HEXA: variants seen among roughly 807,000 people sequenced by gnomAD.
The protein encoded by HEXA is beta-hexosaminidase subunit alpha.
A neutral mutation model predicts 73.3 loss-of-function variants in HEXA; 54 were observed. That is an observed-to-expected ratio of 0.74 (90% CI 0.59 to 0.92). The LOEUF (loss-of-function observed/expected upper bound fraction) is 0.92, where lower values mean the gene tolerates loss of function less well. HEXA is among the 40% of genes least tolerant of loss of function. The pLI, the probability that HEXA is intolerant of heterozygous loss-of-function variation, is 0.00. For missense variants in HEXA, 649 were observed against 653.0 expected (o/e 0.99, Z 0.07); for synonymous variants, 230 against 246.9 (o/e 0.93, Z 0.64).
At chr15:72,349,592 A>C (rs2088668200) in intron 7 of HEXA, among the ~76,000 whole-genome samples, 1 of 152,242 alleles carries the variant, frequency 6.6e-6, no homozygotes, top group African/African-American at 2.4e-5. Flanking sequence ...AGGCAGAGAG[A>C]GAGCCTAATC....
chr15:72,361,662 C>T (rs1004378660), intron 1 of HEXA, among the ~76,000 whole-genome samples: 1 of 152,224 alleles, frequency 6.6e-6, no homozygotes, highest in African/African-American at 2.4e-5. Flanking sequence ...TCTTCTACAC[C>T]TTCCATCTAA....
intron 1 of HEXA, among the ~76,000 whole-genome samples, chr15:72,373,850 T>C (rs1244847313): frequency 6.6e-6 from 1 of 151,812 alleles, no homozygotes; most frequent in Non-Finnish European, 1.5e-5. Flanking sequence ...AATACAAAAA[T>C]TAGCTGGGCG....
Position 72,375,878 on chromosome 15 carries a change from G to A in HEXA, c.95C>T (p.Thr32Ile), listed in dbSNP as rs1193338665. The A allele has an allele frequency of 3.1e-6, 5 of 1,614,140 alleles. No individual in the cohort carries two copies. The East Asian group carries it at 6.7e-5, about 22-fold the overall frequency. The change falls in exon 1 of 14, where the codon ACC becomes ATC. Residue 32 changes from threonine to isoleucine, a missense_variant. By Grantham distance (89) the Thr-to-Ile change is moderately conservative. Coordinates refer to ENST00000268097, the MANE Select transcript of HEXA (RefSeq NM_000520.6). Reference protein sequence around the residue: ...ALWPWPQNFQTSDQRYVLYPN... With the variant: ...ALWPWPQNFQISDQRYVLYPN... ...GTAAAGGACGTAGCGCTGGTCGGAG[G>A]TTTGGAAGTTCTGAGGCCAGGGCCA...
rs2140319698 is a variant in HEXA at position 72,345,558 on chromosome 15, A to G, written c.1422-8T>C. On this transcript the variant is annotated splice_polypyrimidine_tract_variant and splice_region_variant and intron_variant, in intron 12 of 13. Transcript: ENST00000268097. Reference sequence around the variant, plus strand: ...ACAGCCCCTGCTCTGGGCCTGGAGGAAAAGGGGCATGTGCCAGATTGGGCC... The same window carrying G: ...ACAGCCCCTGCTCTGGGCCTGGAGGGAAAGGGGCATGTGCCAGATTGGGCC... 1 of 1,614,058 alleles carries G rather than the reference A, an allele frequency of 6.2e-7. No homozygotes were observed. Among genetic ancestry groups the G allele is most frequent in the Non-Finnish European group, 8.5e-7 (1 of 1,179,986 alleles).
At chr15:72,373,604 T>C (rs896045581) in intron 1 of HEXA, among the ~76,000 whole-genome samples, 3 of 152,246 alleles carry the variant, frequency 2.0e-5, no homozygotes, top group Non-Finnish European at 4.4e-5. Context: ...TCTCTTTTGT[T>C]AGGGAATTTA....
chr15:72,375,709 G>A lies in HEXA; in HGVS notation c.253+11C>T. ...AGGGCCCAGGAACAGGGCGGGACAAGTCCGACTCACCTGTGAGGTAAGGAC... is the reference window on the plus strand; with the variant it reads ...AGGGCCCAGGAACAGGGCGGGACAAATCCGACTCACCTGTGAGGTAAGGAC... On this transcript the variant is annotated intron_variant, in intron 1 of 13. Transcript: ENST00000268097. The A allele has an allele frequency of 6.2e-7, 1 of 1,614,052 alleles. No individual in the cohort carries two copies.
At chr15:72,348,170 A>G in intron 8 of HEXA, 36 bp from the exon 9 acceptor site, 2 of 1,434,898 alleles carry the variant, frequency 1.4e-6, no homozygotes, top group Non-Finnish European at 9.8e-7. Context: ...TAATCTTTCA[A>G]CATCCTGAAA....
chr15:72,343,009 CAGG>C lies in HEXA; in HGVS notation c.*1065_*1067del, dbSNP rs1236446095. The C allele has an allele frequency of 1.3e-5, 2 of 152,242 alleles. No individual in the cohort carries two copies. The highest frequency in any genetic ancestry group is 2.4e-5 in the African/African-American group (1 of 41,460). 9.4% of individuals were successfully genotyped at this position (152,242 alleles called of 1,614,324 possible). On this transcript the variant is annotated 3_prime_UTR_variant, in exon 14 of 14. Coordinates refer to ENST00000268097, the MANE Select transcript of HEXA (RefSeq NM_000520.6). The stretch of plus-strand genomic sequence containing the variant: ...GGCCAAGGCGGGCGGATCACGAGGT[CAGG>C]AGATCGAGACCATCCTGGCTAACAC...
chr15:72,367,432 T>C (rs2088931930), intron 1 of HEXA, among the ~76,000 whole-genome samples: 1 of 152,150 alleles, frequency 6.6e-6, no homozygotes, highest in Non-Finnish European at 1.5e-5. Context: ...CTTCAGTCTT[T>C]CTAGTTTTCT....
intron 1 of HEXA, among the ~76,000 whole-genome samples, chr15:72,364,127 G>A (rs957362701): frequency 2.6e-5 from 4 of 151,952 alleles, no homozygotes; most frequent in South Asian, 4.2e-4. Context: ...AAAATTAGCT[G>A]GGCGTGGTAG....
intron 1 of HEXA, among the ~76,000 whole-genome samples, chr15:72,374,408 T>G (rs571667140): frequency 1.3e-5 from 2 of 152,340 alleles, no homozygotes; most frequent in African/African-American, 4.8e-5. Context: ...AGGACTACCC[T>G]GATGCTGAGA....
intron 2 of HEXA, 45 bp from the exon 3 acceptor site, chr15:72,355,669 A>G (rs1167170765): frequency 3.1e-6 from 4 of 1,282,084 alleles, no homozygotes; most frequent in East Asian, 4.6e-5. Context: ...AAGGTTTTCT[A>G]TTCTCAGATT....
chr15:72,358,251 G>A (rs2088810909), intron 1 of HEXA: 1 of 152,154 alleles, frequency 6.6e-6, no homozygotes, highest in African/African-American at 2.4e-5. Context: ...GAATTCATCT[G>A]CATATCTACC....
At position 72,346,520 on chromosome 15, in the gene HEXA, C is replaced by G; in HGVS notation, c.1330+7G>C. On this transcript the variant is annotated splice_region_variant and intron_variant, in intron 11 of 13. Coordinates refer to ENST00000268097, the MANE Select transcript of HEXA (RefSeq NM_000520.6). ...TTTGGTTAGCAAGGAGAGCTCTCTG[C>G]TTTCACCTTCAAATGCCAGGGGTTC... 6.2e-7 allele frequency: 1 copy of G among 1,613,440 alleles called. No homozygotes were observed. The highest frequency in any genetic ancestry group is 1.3e-5 in the African/African-American group (1 of 75,040).
At chr15:72,375,120 GCT>G (rs1395216370) in intron 1 of HEXA, among the ~76,000 whole-genome samples, 1 of 149,604 alleles carries the variant, frequency 6.7e-6, no homozygotes, top group African/African-American at 2.5e-5. Flanking sequence ...AGGGAGTCTT[GCT>G]CTGTTGCCCA....
At chr15:72,362,272 CCT>C (rs1337094424) in intron 1 of HEXA, 3 of 199,986 alleles carry the variant, frequency 1.5e-5, no homozygotes, top group Middle Eastern at 6.2e-4. Flanking sequence ...TTATTCCCCC[CCT>C]CTTTCCTAAG....
intron 10 of HEXA, 102 bp from the exon 11 acceptor site, chr15:72,346,812 T>C: frequency 9.3e-7 from 1 of 1,076,822 alleles, no homozygotes; most frequent in Non-Finnish European, 1.4e-6. Flanking sequence ...GTGCTCCCTC[T>C]GTTCCCCAGC....
Position 72,345,476 on chromosome 15 carries a change from C to A in HEXA, c.1496G>T (p.Arg499Leu). 1 of 1,614,202 alleles carries A rather than the reference C, an allele frequency of 6.2e-7. No individual in the cohort carries two copies. Among genetic ancestry groups the A allele is most frequent in the Non-Finnish European group, 8.5e-7 (1 of 1,180,022 alleles). ...CAATTCACAGCGGAAGTGTGACAAA[C>A]GTTCATAGGCAAATGTCAGGTCAGA... Reference protein sequence around the residue: ...LTSDLTFAYERLSHFRCELLR... With the variant: ...LTSDLTFAYELLSHFRCELLR... Residue 499 changes from arginine (R) to leucine (L), a missense_variant, in exon 13 of 14, where the codon CGT (arginine) becomes CTT (leucine). Physicochemically the swap from Arg to Leu is moderately radical, Grantham distance 102. Coordinates refer to ENST00000268097, the MANE Select transcript of HEXA (RefSeq NM_000520.6).
Position 72,375,914 on chromosome 15 carries a change from G to C in HEXA, c.59C>G (p.Ala20Gly). 6.2e-7 allele frequency: 1 copy of C among 1,614,138 alleles called. No individual in the cohort carries two copies. The highest frequency in any genetic ancestry group is 8.5e-7 in the Non-Finnish European group (1 of 1,180,038). ...CTGAGGCCAGGGCCAGAGGGCCGTC[G>C]CCCGTCCTGCGAACGCTGCCGCCAG... ...LLLAAAFAGR[A>G]TALWPWPQNF... The change falls in exon 1 of 14, where the codon GCG becomes GGG. Residue 20 changes from alanine to glycine, a missense_variant. By Grantham distance (60) the Ala-to-Gly change is moderately conservative. Coordinates refer to ENST00000268097, the MANE Select transcript of HEXA (RefSeq NM_000520.6).
Sources: gnomAD v4.1 joint callset for allele counts (sites outside exome capture counted in the v4.1 genomes callset) on GRCh38, gnomAD v4.1.1 for gene constraint, MANE v1.5 for transcripts, NCBI Gene and HGNC (gene_info 2026-07-23, HGNC 2026-07-21) for gene names.